Variants in PPP6R2 observed in about 807,000 individuals in gnomAD.
PPP6R2 encodes serine/threonine-protein phosphatase 6 regulatory subunit 2.
A neutral mutation model predicts 100.2 loss-of-function variants in PPP6R2; 62 were observed. The ratio of observed to expected loss-of-function variants is 0.62; its 90% confidence interval spans 0.50 to 0.76. The LOEUF is 0.76. Among genes scored for constraint, PPP6R2 ranks in the 30% least tolerant of loss-of-function variants. PPP6R2 has a pLI of 0.00. For missense variants in PPP6R2, 1,142 were observed against 1,276.3 expected, an observed-to-expected ratio of 0.89 and a Z score of 1.60; for synonymous variants, 525 against 514.7, an observed-to-expected ratio of 1.02 and a Z score of -0.27.
the PPP6R2 span, among the ~76,000 whole-genome samples, chr22:50,336,495 C>G: frequency 6.6e-6 from 1 of 152,148 alleles, no homozygotes; most frequent in Non-Finnish European, 1.5e-5. Flanking sequence ...CCTGCCTCAG[C>G]CTCCCAAGTA....
At chr22:50,427,747 G>A (rs1603372124) in intron 10 of PPP6R2, among the ~76,000 whole-genome samples, 1 of 149,064 alleles carries the variant, frequency 6.7e-6, no homozygotes, top group Non-Finnish European at 1.5e-5. Context: ...TTTTGAGACC[G>A]AGTCTCGCTG....
At chr22:50,372,377 C>T (rs1303304889) in intron 2 of PPP6R2, among the ~76,000 whole-genome samples, 2 of 151,880 alleles carry the variant, frequency 1.3e-5, no homozygotes, top group East Asian at 1.9e-4. Flanking sequence ...TGATGAAACC[C>T]GTCTCTACTG....
chr22:50,351,467 C>A (rs980637578), intron 1 of PPP6R2, among the ~76,000 whole-genome samples: 10 of 150,976 alleles, frequency 6.6e-5, no homozygotes, highest in African/African-American at 9.7e-5. Context: ...CGTTGACTTA[C>A]CCTGTCTAGC....
chr22:50,435,035 C>G lies in PPP6R2; in HGVS notation c.1470C>G (p.Asn490Lys), dbSNP rs761257868. 8 of 1,600,274 alleles carry G rather than the reference C, an allele frequency of 5.0e-6. No homozygotes were observed. In the East Asian group the frequency reaches 1.4e-4, roughly 27 times the overall value. The change falls in exon 13 of 24, where the codon AAC (asparagine) becomes AAG (lysine). Residue 490 changes from asparagine (N) to lysine (K), a missense_variant. This residue lies in a region of PPP6R2 where 592 missense variants were observed against 758.9 expected (regional missense o/e 0.78). Transcript: ENST00000612753. The stretch of plus-strand genomic sequence containing the variant: ...GGATCGCCAACGCGGTGGTGCAGAA[C>G]CTGGAGCGGGGCCCTGTGCAGACGC... ...LTRIANAVVQ[N>K]LERGPVQTHI...
At chr22:50,338,340 T>G (rs1216882812), upstream of PPP6R2, among the ~76,000 whole-genome samples, 4 of 94,030 alleles carry the variant, frequency 4.3e-5, no homozygotes, top group African/African-American at 1.4e-4. Flanking sequence ...GTGGTATATG[T>G]AGTGTGTGTG....
intron 3 of PPP6R2, among the ~76,000 whole-genome samples, chr22:50,402,571 C>T (rs2058230390): frequency 1.3e-5 from 2 of 152,152 alleles, no homozygotes; most frequent in Non-Finnish European, 2.9e-5. Flanking sequence ...TCCTGAAACT[C>T]AGCCTTCCCT....
At chr22:50,399,374 A>G (rs1320647235) in intron 3 of PPP6R2, among the ~76,000 whole-genome samples, 1 of 152,238 alleles carries the variant, frequency 6.6e-6, no homozygotes, top group East Asian at 1.9e-4. Flanking sequence ...AAAATAGTAA[A>G]CAAATGGATG....
At chr22:50,391,541 A>G (rs2055549781) in intron 2 of PPP6R2, among the ~76,000 whole-genome samples, 1 of 151,506 alleles carries the variant, frequency 6.6e-6, no homozygotes, top group Non-Finnish European at 1.5e-5. Flanking sequence ...TTGAGCCTGC[A>G]GTGAGCTATG....
intron 1 of PPP6R2, among the ~76,000 whole-genome samples, chr22:50,370,489 A>G (rs9616956): frequency 0.013 from 1,984 of 150,854 alleles, 48 homozygotes; most frequent in African/African-American, 0.044. Context: ...GGGTTTCACT[A>G]TGTTGGCCAG....
Position 50,394,139 on chromosome 22 carries a change from T to A in PPP6R2, c.227+4T>A, listed in dbSNP as rs752313449. 6.2e-7 allele frequency: 1 copy of A among 1,613,636 alleles called. No homozygotes were observed. Among genetic ancestry groups the A allele is most frequent in the South Asian group, 1.1e-5 (1 of 91,068 alleles). On this transcript the variant is annotated splice_donor_region_variant and intron_variant, in intron 3 of 23. Transcript: ENST00000612753. ...TGGAGGAGAAGGTCCGCTTCAAGTATGTACCAAAGCTGTGACGGGCCAGTA... is the reference window on the plus strand; with the variant it reads ...TGGAGGAGAAGGTCCGCTTCAAGTAAGTACCAAAGCTGTGACGGGCCAGTA...
intron 8 of PPP6R2, 97 bp from the exon 9 acceptor site, chr22:50,422,157 A>G: frequency 6.7e-7 from 1 of 1,492,124 alleles, no homozygotes; most frequent in African/African-American, 1.4e-5. Context: ...GGAAAGTTAA[A>G]AGGGCTCTTT....
chr22:50,415,213 G>T (rs1437563440), intron 5 of PPP6R2, among the ~76,000 whole-genome samples: 1 of 152,206 alleles, frequency 6.6e-6, no homozygotes, highest in African/African-American at 2.4e-5. Flanking sequence ...CAGGAAATCC[G>T]TGCTGACAAA....
the PPP6R2 span, among the ~76,000 whole-genome samples, chr22:50,335,029 G>A: frequency 6.6e-6 from 1 of 151,886 alleles, no homozygotes; most frequent in East Asian, 1.9e-4. Context: ...CAATTTGGGG[G>A]AGAATTGCTA....
chr22:50,385,606 C>A (rs921643737), intron 2 of PPP6R2, among the ~76,000 whole-genome samples: 4 of 151,010 alleles, frequency 2.6e-5, no homozygotes, highest in African/African-American at 9.8e-5. Context: ...ACCTCTCCCT[C>A]CCGGGTTCAA....
At chr22:50,442,570 GAC>G (rs1369656226) in intron 22 of PPP6R2, among the ~76,000 whole-genome samples, 3 of 113,268 alleles carry the variant, frequency 2.6e-5, no homozygotes, top group South Asian at 6.3e-4. Context: ...GTTTGTTTGA[GAC>G]AGAGTCTTGC....
At chr22:50,350,838 C>T (rs1315014491) in intron 1 of PPP6R2, among the ~76,000 whole-genome samples, 1 of 120,796 alleles carries the variant, frequency 8.3e-6, no homozygotes, top group Non-Finnish European at 1.7e-5. Context: ...GAGCAAGACT[C>T]CGTCTCAAAA....
At chr22:50,350,661 C>T (rs1053973567) in intron 1 of PPP6R2, among the ~76,000 whole-genome samples, 19 of 151,720 alleles carry the variant, frequency 1.3e-4, no homozygotes, top group East Asian at 4.0e-4. Flanking sequence ...CTGGCTAACA[C>T]GGTGAAACCC....
intron 10 of PPP6R2, among the ~76,000 whole-genome samples, chr22:50,426,178 C>G (rs962423579): frequency 7.9e-5 from 12 of 152,140 alleles, no homozygotes; most frequent in African/African-American, 2.2e-4. Context: ...GCCTTGAACT[C>G]CTGACTTCAA....
chr22:50,437,106 T>C, intron 15 of PPP6R2, 38 bp downstream of exon 15: 1 of 1,441,136 alleles, frequency 6.9e-7, no homozygotes, highest in African/African-American at 1.4e-5. Context: ...TGCCGGGCCC[T>C]TCCCGGCACC....
Sources: allele counts gnomAD v4.1 joint callset (sites outside exome capture counted in the v4.1 genomes callset), GRCh38; gene constraint gnomAD v4.1.1; regional missense constraint gnomAD v4.1.1; transcripts MANE v1.5; gene names NCBI Gene and HGNC (gene_info 2026-07-23, HGNC 2026-07-21).